Variants in DRD4 observed in about 807,000 individuals in gnomAD.
The protein encoded by DRD4 is dopamine receptor D4, also known as D(4) dopamine receptor.
In DRD4, 26 loss-of-function variants were observed where a neutral mutation model predicts 22.1. The ratio of observed to expected loss-of-function variants is 1.17; its 90% CI spans 0.86 to 1.63. DRD4 has a LOEUF of 1.63. Ranked by LOEUF, DRD4 falls within the 40% of genes most tolerant of loss-of-function variation. DRD4 has a pLI of 0.00. For missense variants in DRD4, 913 were observed against 632.4 expected, an observed-to-expected ratio of 1.44 and a Z score of -4.76; for synonymous variants, 455 against 306.7, an observed-to-expected ratio of 1.48 and a Z score of -5.05.
chr11:640,347 G>GA, intron 3 of DRD4, 41 bp downstream of exon 3: 1 of 1,548,336 alleles, frequency 6.5e-7, no homozygotes, highest in South Asian at 1.2e-5. Context: ...GAGGAGGGGG[G>GA]GGGTACGAGG....
intron 1 of DRD4, chr11:639,192 C>CT (rs1858138688): frequency 5.6e-6 from 3 of 533,216 alleles, no homozygotes; most frequent in African/African-American, 1.9e-5. Context: ...GAATTCCAGG[C>CT]TACAGTGAGC....
chr11:640,012 CAGGACCCCTGCGGCCCCGACTGT>C lies in DRD4; in HGVS notation c.764_786del (p.Gln255ArgfsTer187). ...CACGCCACCCGCGCCCCGCCTCCCC[CAGGACCCCTGCGGCCCCGACTGT>C]GCGCCCCCCGCGCCCGGCCTTCCCC... On this transcript the variant is annotated frameshift_variant, in exon 3 of 4. Transcript: ENST00000176183. LOFTEE classifies it high-confidence loss of function. 3 of 1,262,302 alleles carry C rather than the reference CAGGACCCCTGCGGCCCCGACTGT, an allele frequency of 2.4e-6. No individual in the cohort carries two copies. The highest frequency in any genetic ancestry group is 3.6e-5 in the East Asian group (1 of 27,588). The allele number at this position is 1,262,302 out of a possible 1,614,324, so 78.2% of individuals were successfully genotyped here.
chr11:638,876 G>A (rs1858130864), intron 1 of DRD4, among the ~76,000 whole-genome samples: 1 of 152,240 alleles, frequency 6.6e-6, no homozygotes, highest in Non-Finnish European at 1.5e-5. Context: ...CAGGAGGATA[G>A]TTTGAGACCA....
intron 2 of DRD4, 44 bp from the exon 3 acceptor site, chr11:639,604 C>G: frequency 7.6e-7 from 1 of 1,319,138 alleles, no homozygotes; most frequent in Non-Finnish European, 9.6e-7. Flanking sequence ...CCGCCCTCAC[C>G]GCGGCCTGTG....
Position 637,593 on chromosome 11 carries a change from A to G in DRD4, c.285+4A>G, listed in dbSNP as rs1443500723. Reference sequence around the variant, plus strand: ...GCCGCTCTTCGTCTACTCCGAGGTGAGCCGCGTCCGGCCGCACGAGCATCC... The same window carrying G: ...GCCGCTCTTCGTCTACTCCGAGGTGGGCCGCGTCCGGCCGCACGAGCATCC... On this transcript the variant is annotated splice_donor_region_variant and intron_variant, in intron 1 of 3. Transcript: ENST00000176183. 6.5e-7 allele frequency: 1 copy of G among 1,545,402 alleles called. No homozygotes were observed. Among genetic ancestry groups the G allele is most frequent in the South Asian group, 1.2e-5 (1 of 84,290 alleles).
In DRD4 at chr11:640,380, C is replaced by G. The variant is rs752870951; in HGVS notation, c.1058-21C>G. 3 of 1,594,264 alleles carry G rather than the reference C, an allele frequency of 1.9e-6. No individual in the cohort carries two copies. In the Admixed American group the frequency reaches 5.0e-5, roughly 27 times the overall value. On this transcript the variant is annotated intron_variant, in intron 3 of 3. Transcript: ENST00000176183. Reference sequence around the variant, plus strand: ...AGGCCGGCTGGGCGGGGGGCGCTAACGCGGCTCTCGGCGCCCCCAGGGGCC... The same window carrying G: ...AGGCCGGCTGGGCGGGGGGCGCTAAGGCGGCTCTCGGCGCCCCCAGGGGCC...
intron 3 of DRD4, 47 bp downstream of exon 3, chr11:640,353 C>G (rs780770081): frequency 3.8e-6 from 6 of 1,564,036 alleles, no homozygotes; most frequent in South Asian, 3.4e-5. Flanking sequence ...GGGGGGGGTA[C>G]GAGGCCGGCT....
In DRD4 at chr11:639,522, C is replaced by A. The variant is rs776407302; in HGVS notation, c.375C>A (p.Asn125Lys). ...TGCTGTGCACCGCCTCCATCTTCAA[C>A]CTGTGCGCCATCAGCGTGGACAGGT... ...DVMLCTASIF[N>K]LCAISVDRFV... Residue 125 changes from asparagine (N) to lysine (K), a missense_variant, in exon 2 of 4, where the codon AAC becomes AAA. Asn to Lys is a moderately conservative substitution (Grantham distance 94). Coordinates refer to ENST00000176183, the MANE Select transcript of DRD4 (RefSeq NM_000797.4). The A allele has an allele frequency of 1.2e-6, 2 of 1,600,728 alleles. No homozygotes were observed. The highest frequency in any genetic ancestry group is 1.7e-6 in the Non-Finnish European group (2 of 1,178,004).
At position 640,583 on chromosome 11, in the gene DRD4, GC is replaced by G; in HGVS notation, c.1243del (p.Leu415CysfsTer16). On this transcript the variant is annotated frameshift_variant, in exon 4 of 4. Transcript: ENST00000176183. LOFTEE classifies it high-confidence loss of function. ...NAEFRNVFRKALRACC is the reference protein window; with the variant it reads ...NAEFRNVFRKXLRACC ...CGAGTTCCGCAACGTCTTCCGCAAG[GC>G]CCTGCGTGCCTGCTGCTGAGCCGGG... 1 of 1,599,624 alleles carries G rather than the reference GC, an allele frequency of 6.3e-7. No individual in the cohort carries two copies. The highest frequency in any genetic ancestry group is 1.1e-5 in the South Asian group (1 of 91,086).
At chr11:638,127 G>A (rs994931107) in intron 1 of DRD4, among the ~76,000 whole-genome samples, 4 of 152,182 alleles carry the variant, frequency 2.6e-5, no homozygotes, top group African/African-American at 9.6e-5. Context: ...GGGTGTGTGG[G>A]GACCAGGCCC....
chr11:637,747 C>T (rs1004366239), intron 1 of DRD4, among the ~76,000 whole-genome samples, 158 bp downstream of exon 1: 4 of 152,136 alleles, frequency 2.6e-5, no homozygotes, highest in African/African-American at 4.8e-5. Flanking sequence ...GCGATACACC[C>T]ACCGCCGCCA....
intron 1 of DRD4, 59 bp downstream of exon 1, chr11:637,648 C>A: frequency 6.5e-7 from 1 of 1,534,822 alleles, no homozygotes; most frequent in Admixed American, 2.0e-5. Context: ...CCGTCCCTGT[C>A]CCTACGGAGG....
intron 1 of DRD4, chr11:639,192 C>T: frequency 1.9e-6 from 1 of 533,334 alleles, no homozygotes; most frequent in Non-Finnish European, 3.4e-6. Context: ...GAATTCCAGG[C>T]TACAGTGAGC....
chr11:637,463 G>T lies in DRD4; in HGVS notation c.159G>T (p.Ser53=), dbSNP rs1294930424. ...TCGGCGCGGTGCTCGCGGGGAACTC[G>T]CTCGTGTGCGTGAGCGTGGCCACCG... ...LLIGAVLAGN[S]LVCVSVATER... is the part of the protein sequence containing the mutation. Residue 53 remains serine (S), a synonymous_variant, in exon 1 of 4, where the codon TCG becomes TCT. Coordinates refer to ENST00000176183, the MANE Select transcript of DRD4 (RefSeq NM_000797.4). The T allele has an allele frequency of 6.5e-7, 1 of 1,536,750 alleles. No homozygotes were observed. The highest frequency in any genetic ancestry group is 1.4e-5 in the African/African-American group (1 of 73,164).
intron 1 of DRD4, 89 bp from the exon 2 acceptor site, chr11:639,344 C>T: frequency 7.9e-7 from 1 of 1,268,644 alleles, no homozygotes. Flanking sequence ...TCTCCGTATT[C>T]AGCCCTGGAA....
In DRD4 at chr11:640,535, G is replaced by A. The variant is rs1437767239; in HGVS notation, c.1192G>A (p.Val398Ile). The change falls in exon 4 of 4, where the codon GTC becomes ATC. Residue 398 changes from valine to isoleucine, a missense_variant. By Grantham distance (29) the Val-to-Ile change is conservative (BLOSUM62 3). Transcript: ENST00000176183. ...CTACGTCAACAGCGCCCTCAACCCCGTCATCTACACTGTCTTCAACGCCGA... is the reference window on the plus strand; with the variant it reads ...CTACGTCAACAGCGCCCTCAACCCCATCATCTACACTGTCTTCAACGCCGA... ...LGYVNSALNP[V>I]IYTVFNAEFR... The A allele has an allele frequency of 1.2e-6, 2 of 1,600,730 alleles. No homozygotes were observed. Among genetic ancestry groups the A allele is most frequent in the African/African-American group, 1.3e-5 (1 of 75,052 alleles).
rs753175244 is a variant in DRD4, at chr11:637,548, C to T, written c.244C>T (p.Leu82Phe). The T allele has an allele frequency of 2.0e-6, 3 of 1,522,636 alleles. No individual in the cohort carries two copies. Among genetic ancestry groups the T allele is most frequent in the South Asian group, 2.3e-5 (2 of 85,214 alleles). The allele number at this position is 1,522,636 out of a possible 1,614,324, so 94.3% of individuals were successfully genotyped here. Residue 82 changes from leucine to phenylalanine, a missense_variant, in exon 1 of 4, where the codon CTC becomes TTC. Transcript: ENST00000176183. Reference protein sequence around the residue: ...FIVSLAAADLLLALLVLPLFV... With the variant: ...FIVSLAAADLFLALLVLPLFV... ...CGTGAGCCTGGCGGCCGCCGACCTC[C>T]TCCTCGCTCTCCTGGTGCTGCCGCT...
At chr11:639,188 C>T (rs1266217933) in intron 1 of DRD4, 12 of 523,396 alleles carry the variant, frequency 2.3e-5, no homozygotes, top group Admixed American at 6.5e-5. Flanking sequence ...TCAGGAATTC[C>T]AGGCTACAGT....
intron 2 of DRD4, 33 bp downstream of exon 2, chr11:639,578 CCCCG>C: frequency 7.5e-7 from 1 of 1,335,838 alleles, no homozygotes; most frequent in Non-Finnish European, 9.6e-7. Flanking sequence ...GCCCCGGCGC[CCCCG>C]CGCCCCGCCC....
Sources: gnomAD v4.1 joint callset for allele counts (sites outside exome capture counted in the v4.1 genomes callset) on GRCh38, gnomAD v4.1.1 for gene constraint, MANE v1.5 for transcripts, NCBI Gene and HGNC (gene_info 2026-07-23, HGNC 2026-07-21) for gene names.